Variants in ATP8B1 observed in about 807,000 individuals in gnomAD.
ATP8B1 encodes phospholipid-transporting ATPase IC.
Under a neutral mutation model 149.9 loss-of-function variants are expected in ATP8B1, and 80 were observed. The ratio of observed to expected loss-of-function variants is 0.53; its 90% CI spans 0.45 to 0.64. The LOEUF (loss-of-function observed/expected upper bound fraction) is 0.64. ATP8B1 is among the 30% of genes least tolerant of loss of function. The pLI, the probability that ATP8B1 is intolerant of heterozygous loss-of-function variation, is 0.00. For synonymous variants in ATP8B1, 536 were observed against 562.8 expected, an observed-to-expected ratio of 0.95 and a Z score of 0.67; for missense variants, 1,247 against 1,552.6, an observed-to-expected ratio of 0.80 and a Z score of 3.31.
At chr18:57,685,873 G>T (rs921700449) in intron 13 of ATP8B1, among the ~76,000 whole-genome samples, 8 of 152,070 alleles carry the variant, frequency 5.3e-5, no homozygotes, top group African/African-American at 1.7e-4. Context: ...GGAGGTTTCA[G>T]TGAGCCAAGA....
At chr18:57,758,583 G>A (rs2080109025) in intron 1 of ATP8B1, among the ~76,000 whole-genome samples, 2 of 150,748 alleles carry the variant, frequency 1.3e-5, no homozygotes, top group South Asian at 4.2e-4. Context: ...GGGAGGCAGA[G>A]GTTGTGGTGA....
At chr18:57,795,733 G>A (rs6566901) in intron 1 of ATP8B1, among the ~76,000 whole-genome samples, 50,985 of 152,022 alleles carry the variant, frequency 0.34, 9,306 homozygotes, top group African/African-American at 0.48. Context: ...ACTCTTTCAT[G>A]GGCATAGTTT....
At chr18:57,711,664 C>G (rs1913694311) in intron 2 of ATP8B1, among the ~76,000 whole-genome samples, 1 of 152,296 alleles carries the variant, frequency 6.6e-6, no homozygotes, top group South Asian at 2.1e-4. Flanking sequence ...ATGCTCATAG[C>G]TCACTGCAGC....
At chr18:57,754,853 T>G in intron 1 of ATP8B1, among the ~76,000 whole-genome samples, 1 of 152,212 alleles carries the variant, frequency 6.6e-6, no homozygotes, top group South Asian at 2.1e-4. Context: ...CTCTACCAGC[T>G]GCTCAGAGCA....
chr18:57,663,398 G>A (rs1910623783), intron 20 of ATP8B1, among the ~76,000 whole-genome samples: 1 of 152,178 alleles, frequency 6.6e-6, no homozygotes, highest in Admixed American at 6.6e-5. Flanking sequence ...GAACATGGGT[G>A]TGCATGTATC....
At chr18:57,731,557 T>G (rs2079765679) in intron 2 of ATP8B1, 70 bp downstream of exon 2, 3 of 1,539,192 alleles carry the variant, frequency 1.9e-6, no homozygotes, top group Non-Finnish European at 2.7e-6. Context: ...CCGATCATCT[T>G]TGGCACGTGT....
At chr18:57,652,352 A>G (rs1328340142) in intron 25 of ATP8B1, 132 bp downstream of exon 25, 3 of 1,478,254 alleles carry the variant, frequency 2.0e-6, no homozygotes, top group Non-Finnish European at 2.8e-6. Flanking sequence ...GGTATAAGAG[A>G]TGAAAATAGC....
chr18:57,646,880 G>C lies in ATP8B1; in HGVS notation c.*1608C>G, dbSNP rs949103874. On this transcript the variant is annotated 3_prime_UTR_variant, in exon 28 of 28. Transcript: ENST00000648908. ...CCCAATGGTAAAAAACAGAATTCTC[G>C]AACTATGGAAACTAGTGTGTGAAAG... The C allele has an allele frequency of 1.3e-5, 2 of 152,490 alleles. No individual in the cohort carries two copies. Among genetic ancestry groups the C allele is most frequent in the Non-Finnish European group, 2.9e-5 (2 of 68,036 alleles). 9.4% of individuals were successfully genotyped at this position (152,490 alleles called of 1,614,324 possible).
At position 57,647,073 on chromosome 18, in the gene ATP8B1, G is replaced by A. The variant is rs1047440038; in HGVS notation, c.*1415C>T. 3 of 152,222 alleles carry A rather than the reference G, an allele frequency of 2.0e-5. No individual in the cohort carries two copies. The highest frequency in any genetic ancestry group is 7.2e-5 in the African/African-American group (3 of 41,464). The allele number at this position is 152,222 out of a possible 1,614,324, so 9.4% of individuals were successfully genotyped here. A position where few individuals can be genotyped will look rare whatever the true frequency, so the allele number is the denominator to read the frequency against. ...CGACATAAGACAAGTGAAAAAGAGT[G>A]AGGTCTTTGTTCAAGTCCCTGATAA... On this transcript the variant is annotated 3_prime_UTR_variant, in exon 28 of 28. Transcript: ENST00000648908.
At chr18:57,764,632 T>G (rs2080193060) in intron 1 of ATP8B1, among the ~76,000 whole-genome samples, 1 of 151,870 alleles carries the variant, frequency 6.6e-6, no homozygotes, top group Admixed American at 6.6e-5. Context: ...TTAGGCAGGC[T>G]GGTCTCAAAC....
At chr18:57,661,696 C>CACACACACAT (rs775312497) in intron 21 of ATP8B1, among the ~76,000 whole-genome samples, 29 of 90,396 alleles carry the variant, frequency 3.2e-4, no homozygotes, top group East Asian at 7.5e-4. Flanking sequence ...CACACACACA[C>CACACACACAT]ATATATATAT....
At chr18:57,703,777 A>T (rs1279492829) in intron 4 of ATP8B1, among the ~76,000 whole-genome samples, 1 of 152,110 alleles carries the variant, frequency 6.6e-6, no homozygotes. Flanking sequence ...AGGAAAAAAA[A>T]TTTTTAAGTA....
chr18:57,671,419 A>C, intron 17 of ATP8B1, 49 bp downstream of exon 17: 1 of 1,434,604 alleles, frequency 7.0e-7, no homozygotes, highest in Non-Finnish European at 9.8e-7. Context: ...AGACAGCATC[A>C]GAGAGTAAGT....
intron 2 of ATP8B1, among the ~76,000 whole-genome samples, chr18:57,713,224 C>T (rs1183617898): frequency 4.0e-4 from 48 of 118,706 alleles, no homozygotes; most frequent in African/African-American, 1.6e-3. Context: ...TCCTTCCTTC[C>T]TTCCTTCCTT....
At chr18:57,768,386 C>CAAAAAAAAAAAAAAAAAAAAAAAA (rs145660399) in intron 1 of ATP8B1, among the ~76,000 whole-genome samples, 5 of 68,172 alleles carry the variant, frequency 7.3e-5, no homozygotes, top group Non-Finnish European at 1.3e-4. Context: ...GACCCTGTCT[C>CAAAAAAAAAAAAAAAAAAAAAAAA]AAAAAAAAAA....
chr18:57,661,102 AC>A lies in ATP8B1; in HGVS notation c.2707+71del, dbSNP rs1315730886. On this transcript the variant is annotated intron_variant, in intron 22 of 27. Coordinates refer to ENST00000648908, the MANE Select transcript of ATP8B1 (RefSeq NM_001374385.1). ...TGTAAAATCTAAAAAAAGAAAATCC[AC>A]CCCCTACACATTCCAGCCATTTCTC... 5 of 1,566,666 alleles carry A rather than the reference AC, an allele frequency of 3.2e-6. No individual in the cohort carries two copies. In the African/African-American group the frequency reaches 6.8e-5, roughly 21 times the overall value.
intron 1 of ATP8B1, among the ~76,000 whole-genome samples, chr18:57,753,092 G>A (rs965586544): frequency 1.3e-5 from 2 of 152,172 alleles, no homozygotes; most frequent in Admixed American, 6.5e-5. Context: ...CAAGATAAGA[G>A]AGTAGAGTGC....
chr18:57,719,452 C>T (rs1028508785), intron 2 of ATP8B1, among the ~76,000 whole-genome samples: 26 of 152,298 alleles, frequency 1.7e-4, no homozygotes, highest in African/African-American at 5.5e-4. Context: ...ACCTGGGAAG[C>T]GCAAGGGGTC....
chr18:57,681,667 G>A (rs774239659), intron 15 of ATP8B1, among the ~76,000 whole-genome samples: 1 of 152,024 alleles, frequency 6.6e-6, no homozygotes, highest in Non-Finnish European at 1.5e-5. Flanking sequence ...TGGGCGTGGT[G>A]GTGGGCCCCT....
Sources: allele counts gnomAD v4.1 joint callset (sites outside exome capture counted in the v4.1 genomes callset), GRCh38; gene constraint gnomAD v4.1.1; transcripts MANE v1.5; gene names NCBI Gene and HGNC (gene_info 2026-07-23, HGNC 2026-07-21).